Variants in MAD1L1 observed in about 807,000 individuals in gnomAD.
MAD1L1 encodes the protein mitotic spindle assembly checkpoint protein MAD1.
In MAD1L1, 95 loss-of-function variants were observed where a neutral mutation model predicts 96.9. That is an observed-to-expected ratio of 0.98 (90% confidence interval 0.83 to 1.16). The LOEUF is 1.16. Ranked by LOEUF, MAD1L1 falls within the 50% of genes most tolerant of loss-of-function variation. MAD1L1 has a pLI of 0.00. For missense variants in MAD1L1, 1,007 were observed against 954.4 expected, an observed-to-expected ratio of 1.06 and a Z score of -0.73; for synonymous variants, 473 against 396.6, an observed-to-expected ratio of 1.19 and a Z score of -2.29.
chr7:1,945,303 C>T (rs964477234), intron 16 of MAD1L1, among the ~76,000 whole-genome samples: 3 of 152,248 alleles, frequency 2.0e-5, no homozygotes, highest in East Asian at 1.9e-4. Flanking sequence ...GCCCCAGCAC[C>T]GAGGACTATC....
At chr7:2,132,326 C>T (rs571140978) in intron 11 of MAD1L1, among the ~76,000 whole-genome samples, 1 of 152,332 alleles carries the variant, frequency 6.6e-6, no homozygotes, top group African/African-American at 2.4e-5. Flanking sequence ...GCTCACTTGT[C>T]ATGTCTTACA....
At chr7:2,006,041 A>C (rs1375570045) in intron 13 of MAD1L1, among the ~76,000 whole-genome samples, 1 of 152,048 alleles carries the variant, frequency 6.6e-6, no homozygotes. Flanking sequence ...AGCGGCAGGG[A>C]GGCAGGAGGG....
At chr7:2,032,775 G>A (rs1237139993) in intron 12 of MAD1L1, among the ~76,000 whole-genome samples, 1 of 152,230 alleles carries the variant, frequency 6.6e-6, no homozygotes, top group East Asian at 1.9e-4. Context: ...GGTGAGGGGG[G>A]TGGCGCCGGC....
At chr7:1,858,187 G>A (rs969020352) in intron 18 of MAD1L1, among the ~76,000 whole-genome samples, 32 of 152,170 alleles carry the variant, frequency 2.1e-4, no homozygotes, top group African/African-American at 7.7e-4. Context: ...CATCACTGGC[G>A]CGCCCGTCGG....
At chr7:1,853,096 C>A (rs777027003) in intron 18 of MAD1L1, among the ~76,000 whole-genome samples, 4 of 152,066 alleles carry the variant, frequency 2.6e-5, no homozygotes, top group Non-Finnish European at 5.9e-5. Context: ...CCCGGGAGAG[C>A]CAGGGAGAGC....
intron 18 of MAD1L1, among the ~76,000 whole-genome samples, chr7:1,840,452 A>T (rs2128632072): frequency 6.6e-6 from 1 of 152,298 alleles, no homozygotes; most frequent in East Asian, 1.9e-4. Context: ...AAAACAAGCC[A>T]GGCGTGGTGG....
intron 10 of MAD1L1, among the ~76,000 whole-genome samples, chr7:2,169,157 T>C (rs1562750105): frequency 6.6e-6 from 1 of 152,182 alleles, no homozygotes; most frequent in African/African-American, 2.4e-5. Context: ...AGAAAGGACA[T>C]TCGGGACCTA....
At chr7:1,886,332 C>T (rs1786024704) in intron 18 of MAD1L1, among the ~76,000 whole-genome samples, 1 of 152,242 alleles carries the variant, frequency 6.6e-6, no homozygotes. Flanking sequence ...AAGCCTGCTT[C>T]AGAAGGAAAG....
At chr7:2,033,368 G>A (rs757574933) in intron 12 of MAD1L1, among the ~76,000 whole-genome samples, 2 of 152,226 alleles carry the variant, frequency 1.3e-5, no homozygotes, top group African/African-American at 2.4e-5. Flanking sequence ...ACTCCATGGA[G>A]CAAGGCCCTG....
intron 18 of MAD1L1, among the ~76,000 whole-genome samples, chr7:1,887,870 T>C: frequency 6.8e-6 from 1 of 147,468 alleles, no homozygotes; most frequent in East Asian, 2.0e-4. Context: ...CACGTGTGTG[T>C]GCAAGCATGC....
chr7:2,095,695 G>A (rs1191508995), intron 11 of MAD1L1, among the ~76,000 whole-genome samples: 2 of 152,238 alleles, frequency 1.3e-5, no homozygotes, highest in African/African-American at 4.8e-5. Context: ...TGCCTACTGC[G>A]AGAGGGGCAC....
At chr7:2,111,814 C>T (rs1015902256) in intron 11 of MAD1L1, among the ~76,000 whole-genome samples, 14 of 152,160 alleles carry the variant, frequency 9.2e-5, no homozygotes, top group Admixed American at 8.5e-4. Flanking sequence ...GCACACACCG[C>T]GAACGCACAC....
intron 18 of MAD1L1, among the ~76,000 whole-genome samples, chr7:1,861,991 C>G (rs999152655): frequency 1.4e-4 from 22 of 152,182 alleles, no homozygotes; most frequent in Non-Finnish European, 2.8e-4. Flanking sequence ...GCCTCAGAGC[C>G]CCACCGCCAT....
intron 10 of MAD1L1, among the ~76,000 whole-genome samples, chr7:2,212,268 G>C (rs546870591): frequency 2.6e-5 from 4 of 152,168 alleles, no homozygotes; most frequent in African/African-American, 9.7e-5. Context: ...GTGGTCCCCC[G>C]GCAGCTCCAC....
intron 11 of MAD1L1, chr7:2,079,693 C>T (rs1213661548): frequency 2.1e-6 from 1 of 471,016 alleles, no homozygotes; most frequent in East Asian, 6.9e-5. Context: ...TGATCAGCTA[C>T]CAACCTGTAA....
intron 12 of MAD1L1, among the ~76,000 whole-genome samples, chr7:2,032,453 C>G (rs4470911): frequency 6.6e-6 from 1 of 152,158 alleles, no homozygotes; most frequent in Non-Finnish European, 1.5e-5. Flanking sequence ...AGTGACCCCA[C>G]GAGTCCTGAA....
intron 17 of MAD1L1, among the ~76,000 whole-genome samples, chr7:1,915,302 C>T (rs73048199): frequency 6.6e-6 from 1 of 152,040 alleles, no homozygotes; most frequent in Non-Finnish European, 1.5e-5. Context: ...GAACCGCAGC[C>T]GGGAGGGACG....
chr7:2,093,785 A>G lies in MAD1L1; in HGVS notation c.1074-24447T>C, dbSNP rs138758564. ...ACGGGAGAGTCCACAGCTGCGCTCC[A>G]TCAGCCAGAGGAGCACGGAACGCGG... On this transcript the variant is annotated intron_variant, in intron 11 of 18. Coordinates refer to ENST00000265854, the MANE Select transcript of MAD1L1 (RefSeq NM_001013836.2). 1.8e-4 allele frequency among the ~76,000 whole-genome samples: 28 copies of G among 152,312 alleles called. 1 individual carries two copies. In the East Asian group the frequency reaches 4.6e-3, roughly 25 times the overall value.
At chr7:2,004,001 G>A (rs1219555225) in intron 13 of MAD1L1, among the ~76,000 whole-genome samples, 1 of 152,216 alleles carries the variant, frequency 6.6e-6, no homozygotes, top group South Asian at 2.1e-4. Flanking sequence ...TCACCGAGCT[G>A]CAGCCCTGGG....
Sources: gnomAD v4.1 joint callset for allele counts (sites outside exome capture counted in the v4.1 genomes callset) on GRCh38, gnomAD v4.1.1 for gene constraint, MANE v1.5 for transcripts, NCBI Gene and HGNC (gene_info 2026-07-23, HGNC 2026-07-21) for gene names.